Variants in PIGL observed in about 807,000 individuals in gnomAD.
The protein encoded by PIGL is N-acetylglucosaminyl-phosphatidylinositol de-N-acetylase.
A neutral mutation model predicts 31.1 loss-of-function variants in PIGL; 22 were observed. The ratio of observed to expected loss-of-function variants is 0.71; its 90% CI spans 0.51 to 1.01. The LOEUF (loss-of-function observed/expected upper bound fraction) is 1.01. Ranked by LOEUF, PIGL falls within the 50% of genes least tolerant of loss-of-function variation. The pLI is 0.00. For synonymous variants in PIGL, 131 were observed against 117.4 expected, an observed-to-expected ratio of 1.12 and a Z score of -0.75; for missense variants, 302 against 315.9, an observed-to-expected ratio of 0.96 and a Z score of 0.33.
chr17:16,275,432 G>A (rs7225920), intron 2 of PIGL, among the ~76,000 whole-genome samples: 1 of 151,878 alleles, frequency 6.6e-6, no homozygotes, highest in Non-Finnish European at 1.5e-5. Flanking sequence ...TCTTTATGAC[G>A]TGTATTTTGT....
At chr17:16,303,621 C>G (rs2093014292) in intron 3 of PIGL, among the ~76,000 whole-genome samples, 1 of 152,060 alleles carries the variant, frequency 6.6e-6, no homozygotes, top group Non-Finnish European at 1.5e-5. Context: ...TCACTGCAAC[C>G]TCCGCCTCCC....
At chr17:16,318,425 A>G (rs536411450) in intron 6 of PIGL, among the ~76,000 whole-genome samples, 2 of 151,730 alleles carry the variant, frequency 1.3e-5, no homozygotes, top group South Asian at 4.2e-4. Context: ...CACCGCCACC[A>G]CACCCGGCTA....
Position 16,241,559 on chromosome 17 carries a change from C to T in PIGL, c.335+7489C>T, listed in dbSNP as rs553511239. ...TCCAGAATGGGCAACAAGAGTGAAA[C>T]TCTGTCTTAAAAAAAAAAAAGAAAA... On this transcript the variant is annotated intron_variant, in intron 2 of 6. Transcript: ENST00000225609. Among the ~76,000 whole-genome samples the T allele has an allele frequency of 9.9e-5, 15 of 151,096 alleles. 1 individual carries two copies. The highest frequency in any genetic ancestry group is 3.4e-4 in the African/African-American group (14 of 41,144).
intron 6 of PIGL, among the ~76,000 whole-genome samples, chr17:16,321,778 A>G (rs1198255277): frequency 7.5e-6 from 1 of 133,036 alleles, no homozygotes; most frequent in South Asian, 2.4e-4. Flanking sequence ...CTTTCTTTTT[A>G]CTGTTATTTT....
At position 16,299,186 on chromosome 17, in the gene PIGL, C is replaced by T. The variant is rs533129898; in HGVS notation, c.336-702C>T. Among the ~76,000 whole-genome samples the T allele has an allele frequency of 4.0e-5, 6 of 151,008 alleles. No homozygotes were observed. The South Asian group carries it at 1.3e-3, about 32-fold the overall frequency. ...TTGTGCCACTGTACTCCAGCCTAGGCGACAGAGCAGTAATCCCAGCACTTT... is the reference window on the plus strand; with the variant it reads ...TTGTGCCACTGTACTCCAGCCTAGGTGACAGAGCAGTAATCCCAGCACTTT... On this transcript the variant is annotated intron_variant, in intron 2 of 6. Transcript: ENST00000225609.
At chr17:16,220,361 G>T (rs74355272) in intron 1 of PIGL, among the ~76,000 whole-genome samples, 9,329 of 151,640 alleles carry the variant, frequency 0.062, 346 homozygotes, top group African/African-American at 0.11. Context: ...AATATATATA[G>T]AGAGAGAGAG....
At position 16,325,785 on chromosome 17, in the gene PIGL, CT is replaced by C. The variant is rs1430318623; in HGVS notation, c.661-12del. On this transcript the variant is annotated splice_polypyrimidine_tract_variant and intron_variant, in intron 6 of 6. Transcript: ENST00000225609. ...GTGCAACTGTTTCATAACTGGTTCT[CT>C]TTGATTCTTCTAGAAAGCCATGTCC... 3.1e-6 allele frequency: 5 copies of C among 1,604,522 alleles called. No homozygotes were observed. The highest frequency in any genetic ancestry group is 4.3e-6 in the Non-Finnish European group (5 of 1,171,490).
At chr17:16,250,864 G>A (rs1046613948) in intron 2 of PIGL, among the ~76,000 whole-genome samples, 2 of 152,200 alleles carry the variant, frequency 1.3e-5, no homozygotes, top group Non-Finnish European at 2.9e-5. Context: ...TGGGTGTACA[G>A]TATATGCTTC....
intron 2 of PIGL, among the ~76,000 whole-genome samples, chr17:16,288,223 C>T (rs942305868): frequency 1.3e-5 from 2 of 151,926 alleles, no homozygotes; most frequent in Non-Finnish European, 2.9e-5. Context: ...TTCTTTCTTT[C>T]GAGACGAAGT....
At chr17:16,242,389 A>C (rs566697350) in intron 2 of PIGL, among the ~76,000 whole-genome samples, 7 of 152,254 alleles carry the variant, frequency 4.6e-5, no homozygotes, top group Non-Finnish European at 8.8e-5. Context: ...TAGGTACTAA[A>C]CAATTCTTGT....
intron 1 of PIGL, 180 bp downstream of exon 1, chr17:16,217,641 G>A: frequency 9.3e-6 from 5 of 536,094 alleles, no homozygotes; most frequent in South Asian, 5.7e-5. Context: ...CTGGTGGGTT[G>A]GGGGACGTCG....
intron 2 of PIGL, among the ~76,000 whole-genome samples, chr17:16,272,540 T>C (rs2092877216): frequency 3.3e-5 from 5 of 152,236 alleles, no homozygotes; most frequent in Admixed American, 3.3e-4. Context: ...TAACCAAGTA[T>C]TATCTACATG....
At chr17:16,321,519 C>T (rs2093105836) in intron 6 of PIGL, among the ~76,000 whole-genome samples, 1 of 152,070 alleles carries the variant, frequency 6.6e-6, no homozygotes, top group Admixed American at 6.5e-5. Context: ...GGATCACAGG[C>T]GTGAGCCACC....
At chr17:16,279,227 A>G (rs2092907362) in intron 2 of PIGL, among the ~76,000 whole-genome samples, 1 of 152,240 alleles carries the variant, frequency 6.6e-6, no homozygotes. Flanking sequence ...GAAAGAATTC[A>G]AGGCAAATCC....
At chr17:16,293,668 A>G (rs954618473) in intron 2 of PIGL, among the ~76,000 whole-genome samples, 5 of 152,180 alleles carry the variant, frequency 3.3e-5, no homozygotes, top group Non-Finnish European at 5.9e-5. Context: ...CCCCTAACAC[A>G]CTTCCTTGCA....
intron 1 of PIGL, among the ~76,000 whole-genome samples, chr17:16,224,243 T>G (rs2092641881): frequency 6.6e-6 from 1 of 152,002 alleles, no homozygotes; most frequent in South Asian, 2.1e-4. Flanking sequence ...AAAGCTACAC[T>G]ATATTATAGA....
chr17:16,316,789 C>G (rs369306357), intron 5 of PIGL, 77 bp downstream of exon 5: 90 of 1,593,842 alleles, frequency 5.6e-5, no homozygotes, highest in Middle Eastern at 5.1e-4. Context: ...ATTTGCAAAT[C>G]CACAGAGAGC....
rs2533007 is a variant in PIGL, at chr17:16,220,484, T to C, written c.235+3023T>C. 1.9e-4 allele frequency among the ~76,000 whole-genome samples: 7 copies of C among 36,416 alleles called. 1 individual carries two copies. In the South Asian group the frequency reaches 3.1e-3, roughly 16 times the overall value. 23.9% of individuals were successfully genotyped at this position (36,416 alleles called of 152,430 possible). On this transcript the variant is annotated intron_variant, in intron 1 of 6. Coordinates refer to ENST00000225609, the MANE Select transcript of PIGL (RefSeq NM_004278.4). Reference sequence around the variant, plus strand: ...TTTGTGTTTTTTTAAATTGTTATTTTTTTTTTTTTTTTTTTTTTTTTTGAG... The same window carrying C: ...TTTGTGTTTTTTTAAATTGTTATTTCTTTTTTTTTTTTTTTTTTTTTTGAG...
chr17:16,297,010 G>C lies in PIGL; in HGVS notation c.336-2878G>C, dbSNP rs576640879. On this transcript the variant is annotated intron_variant, in intron 2 of 6. Coordinates refer to ENST00000225609, the MANE Select transcript of PIGL (RefSeq NM_004278.4). ...GCTGGGATTACAGGCGTGAGCCACCGTTCCGGCCCTTTTTACAGTTCTTAA... is the reference window on the plus strand; with the variant it reads ...GCTGGGATTACAGGCGTGAGCCACCCTTCCGGCCCTTTTTACAGTTCTTAA... 3.3e-5 allele frequency among the ~76,000 whole-genome samples: 5 copies of C among 152,144 alleles called. No homozygotes were observed. The East Asian group carries it at 9.6e-4, about 29-fold the overall frequency.
Sources: gnomAD v4.1 joint callset for allele counts (sites outside exome capture counted in the v4.1 genomes callset) on GRCh38, gnomAD v4.1.1 for gene constraint, MANE v1.5 for transcripts, NCBI Gene and HGNC (gene_info 2026-07-23, HGNC 2026-07-21) for gene names.